The following NRG1 variants were observed in gnomAD, a reference collection of about 807,000 sequenced individuals.
NRG1 encodes the protein neuregulin 1.
NRG1 carries 18 observed loss-of-function variants against 63.8 expected under a neutral mutation model. The observed-to-expected ratio is 0.28, with a 90% CI of 0.19 to 0.42. NRG1 has a LOEUF of 0.42. NRG1 is among the 10% of genes least tolerant of loss of function. NRG1 has a pLI of 1.00. For synonymous variants in NRG1, 302 were observed against 301.3 expected, an observed-to-expected ratio of 1.00 and a Z score of -0.02; for missense variants, 762 against 814.7, an observed-to-expected ratio of 0.94 and a Z score of 0.79.
chr8:32,572,212 C>G (rs556066384), intron 1 of NRG1, among the ~76,000 whole-genome samples: 3 of 152,254 alleles, frequency 2.0e-5, no homozygotes, highest in Admixed American at 2.0e-4. Context: ...TTTCCAAAAT[C>G]TATTTTCCTC....
At chr8:31,775,882 CAAAAAAAAAAAA>C (rs71208140) in intron 1 of NRG1, among the ~76,000 whole-genome samples, 4 of 72,204 alleles carry the variant, frequency 5.5e-5, no homozygotes, top group Non-Finnish European at 5.0e-5. Flanking sequence ...GACTCCGTCT[CAAAAAAAAAAAA>C]AAAAAAAAAA....
intron 1 of NRG1, among the ~76,000 whole-genome samples, chr8:31,746,561 C>T (rs539108143): frequency 6.6e-6 from 1 of 151,864 alleles, no homozygotes; most frequent in Non-Finnish European, 1.5e-5. Flanking sequence ...TACAGGTAGG[C>T]CCGATACAAG....
At chr8:32,643,861 G>A (rs1364832417) in intron 5 of NRG1, among the ~76,000 whole-genome samples, 1 of 152,092 alleles carries the variant, frequency 6.6e-6, no homozygotes, top group Admixed American at 6.6e-5. Flanking sequence ...TTATATTAAG[G>A]TAATAATTCC....
chr8:31,668,073 G>A (rs760112361), intron 1 of NRG1, among the ~76,000 whole-genome samples: 6 of 152,178 alleles, frequency 3.9e-5, no homozygotes, highest in Non-Finnish European at 8.8e-5. Context: ...AGATGGAGCA[G>A]TGAGATTTGT....
At chr8:32,204,676 A>G (rs1004388386) in intron 1 of NRG1, among the ~76,000 whole-genome samples, 1 of 152,226 alleles carries the variant, frequency 6.6e-6, no homozygotes, top group Non-Finnish European at 1.5e-5. Flanking sequence ...TGTTAACTGT[A>G]GCCTCAATGG....
intron 1 of NRG1, among the ~76,000 whole-genome samples, chr8:32,079,071 G>A (rs1461756224): frequency 2.0e-5 from 3 of 151,612 alleles, no homozygotes; most frequent in East Asian, 3.9e-4. Flanking sequence ...ATGGAAAGAA[G>A]CAAGGATCCC....
chr8:32,368,818 T>A (rs1808424312), intron 1 of NRG1, among the ~76,000 whole-genome samples: 1 of 152,240 alleles, frequency 6.6e-6, no homozygotes, highest in Admixed American at 6.5e-5. Context: ...TAAAAAATGA[T>A]GTAAACTTAT....
At chr8:31,900,413 G>A (rs1018455047) in intron 1 of NRG1, among the ~76,000 whole-genome samples, 27 of 152,146 alleles carry the variant, frequency 1.8e-4, no homozygotes, top group Non-Finnish European at 3.2e-4. Context: ...ATAAGATAAG[G>A]ATGTCCCATT....
intron 1 of NRG1, among the ~76,000 whole-genome samples, chr8:31,726,715 C>T (rs914416042): frequency 6.6e-6 from 1 of 152,056 alleles, no homozygotes; most frequent in Non-Finnish European, 1.5e-5. Context: ...CAGTAGAATC[C>T]CATCTGATCC....
chr8:32,317,761 G>A (rs1800931508), intron 1 of NRG1, among the ~76,000 whole-genome samples: 1 of 152,198 alleles, frequency 6.6e-6, no homozygotes, highest in Non-Finnish European at 1.5e-5. Flanking sequence ...TTAAAGGAAT[G>A]CTATTGAAAT....
chr8:32,714,151 T>C (rs1163257450), intron 5 of NRG1, among the ~76,000 whole-genome samples: 5 of 152,212 alleles, frequency 3.3e-5, no homozygotes, highest in Admixed American at 2.6e-4. Context: ...ATGCTATGAA[T>C]GCATTTGTCA....
chr8:32,637,705 G>A (rs998803908), intron 5 of NRG1, among the ~76,000 whole-genome samples: 1 of 152,140 alleles, frequency 6.6e-6, no homozygotes, highest in African/African-American at 2.4e-5. Context: ...AAGCAATAAA[G>A]CTAATTGTAA....
intron 1 of NRG1, among the ~76,000 whole-genome samples, chr8:32,490,467 A>C (rs976346216): frequency 1.4e-5 from 2 of 140,882 alleles, no homozygotes; most frequent in Admixed American, 7.6e-5. Flanking sequence ...GCATAATGAT[A>C]TGCAGGACTG....
chr8:32,673,357 A>C (rs1806196258), intron 5 of NRG1, among the ~76,000 whole-genome samples: 1 of 152,242 alleles, frequency 6.6e-6, no homozygotes, highest in South Asian at 2.1e-4. Context: ...TAAGTGTAGA[A>C]ATAGAATCAT....
chr8:32,440,188 G>A (rs1819357555), intron 1 of NRG1, among the ~76,000 whole-genome samples: 1 of 152,080 alleles, frequency 6.6e-6, no homozygotes, highest in African/African-American at 2.4e-5. Context: ...CATGATAATA[G>A]CAAGGGGGAA....
At chr8:32,731,541 A>G (rs754465228) in intron 6 of NRG1, among the ~76,000 whole-genome samples, 29 of 152,292 alleles carry the variant, frequency 1.9e-4, no homozygotes, top group Middle Eastern at 3.4e-3. Context: ...TTATTCACAT[A>G]TTAAAGCAAG....
At chr8:32,050,416 A>T (rs1329682332) in intron 1 of NRG1, among the ~76,000 whole-genome samples, 1 of 152,048 alleles carries the variant, frequency 6.6e-6, no homozygotes, top group Non-Finnish European at 1.5e-5. Flanking sequence ...ATTTCTTTTC[A>T]TGATAGAAAA....
intron 1 of NRG1, among the ~76,000 whole-genome samples, chr8:32,145,660 A>T (rs1227634058): frequency 6.6e-6 from 1 of 152,252 alleles, no homozygotes; most frequent in Non-Finnish European, 1.5e-5. Flanking sequence ...AAGTTACTGC[A>T]ATGGGCCAGC....
intron 5 of NRG1, among the ~76,000 whole-genome samples, chr8:32,667,102 A>G (rs1469611546): frequency 6.6e-6 from 1 of 152,218 alleles, no homozygotes; most frequent in Non-Finnish European, 1.5e-5. Context: ...ATAGCCAACT[A>G]CACACCTAGG....
Sources: allele counts gnomAD v4.1 joint callset (sites outside exome capture counted in the v4.1 genomes callset), GRCh38; gene constraint gnomAD v4.1.1; transcripts MANE v1.5; gene names NCBI Gene and HGNC (gene_info 2026-07-23, HGNC 2026-07-21).